NFAM1: variants seen among roughly 807,000 people sequenced by gnomAD.
NFAM1 encodes the protein NFAT activation molecule 1.
In NFAM1, 17 loss-of-function variants were observed where a neutral mutation model predicts 29.0. The observed-to-expected ratio is 0.59, with a 90% CI of 0.40 to 0.88. NFAM1 has a LOEUF of 0.88. NFAM1 is among the 40% of genes least tolerant of loss of function. The pLI, the probability that NFAM1 is intolerant of heterozygous loss-of-function variation, is 0.00. For missense variants in NFAM1, 324 were observed against 344.6 expected (o/e 0.94, Z 0.47); for synonymous variants, 175 against 147.2 (o/e 1.19, Z -1.36).
chr22:42,426,942 C>A (rs1227202680), intron 1 of NFAM1, among the ~76,000 whole-genome samples: 1 of 152,132 alleles, frequency 6.6e-6, no homozygotes, highest in Non-Finnish European at 1.5e-5. Context: ...CTGGATGTAC[C>A]TTCCTATTGC....
At chr22:42,427,443 T>A (rs911749321) in intron 1 of NFAM1, among the ~76,000 whole-genome samples, 1 of 152,214 alleles carries the variant, frequency 6.6e-6, no homozygotes, top group Non-Finnish European at 1.5e-5. Context: ...CAGAGCTTAA[T>A]TCATCCTTGA....
intron 3 of NFAM1, among the ~76,000 whole-genome samples, chr22:42,405,785 C>T (rs1929877510): frequency 6.6e-6 from 1 of 152,198 alleles, no homozygotes; most frequent in African/African-American, 2.4e-5. Context: ...GCCTGCGACT[C>T]ACTTCACCCT....
chr22:42,423,863 G>A (rs1601760867), intron 1 of NFAM1, among the ~76,000 whole-genome samples: 1 of 152,050 alleles, frequency 6.6e-6, no homozygotes, highest in East Asian at 1.9e-4. Flanking sequence ...TGGGATTACA[G>A]GCATGTGCCA....
In NFAM1 at chr22:42,419,629, C is replaced by T. The variant is rs1360646121; in HGVS notation, c.122-7893G>A. Among the ~76,000 whole-genome samples, 2 of 152,182 alleles carry T rather than the reference C, an allele frequency of 1.3e-5. No individual in the cohort carries two copies. Among genetic ancestry groups the T allele is most frequent in the African/African-American group, 2.4e-5 (1 of 41,458 alleles). ...GCTCAGCTGCTCTCTGGCCCTCACT[C>T]GCCCACTCCTGCGTAGACGTCAGCC... On this transcript the variant is annotated intron_variant, in intron 1 of 5. Transcript: ENST00000329021. This position sits in a 1 kb window ranked among gnomAD's most constrained non-coding sequence, Gnocchi z 4.5.
At chr22:42,398,023 C>G (rs889967488) in intron 3 of NFAM1, 67 bp from the exon 4 acceptor site, 1 of 808,790 alleles carries the variant, frequency 1.2e-6, no homozygotes, top group Non-Finnish European at 2.0e-6. Flanking sequence ...ACAGACCCCC[C>G]AGGGGAAAGG....
intron 1 of NFAM1, among the ~76,000 whole-genome samples, chr22:42,423,532 T>C (rs1049787503): frequency 1.4e-5 from 2 of 141,858 alleles, no homozygotes; most frequent in Admixed American, 6.9e-5. Context: ...CTGGGCAACA[T>C]AGCAAGACCC....
intron 3 of NFAM1, among the ~76,000 whole-genome samples, chr22:42,408,052 C>A (rs1186955900): frequency 6.6e-6 from 1 of 151,968 alleles, no homozygotes; most frequent in African/African-American, 2.4e-5. Flanking sequence ...TGCCAATGCA[C>A]CCAGCTAATT....
chr22:42,416,648 C>G (rs1019786915), intron 1 of NFAM1, among the ~76,000 whole-genome samples: 1 of 152,176 alleles, frequency 6.6e-6, no homozygotes, highest in Middle Eastern at 3.4e-3. Flanking sequence ...GGGCATCCGG[C>G]CTGCCCCGGG....
At chr22:42,430,305 A>G (rs1930754396) in intron 1 of NFAM1, among the ~76,000 whole-genome samples, 1 of 152,096 alleles carries the variant, frequency 6.6e-6, no homozygotes, top group African/African-American at 2.4e-5. Context: ...CACGCCTGTA[A>G]TCCCAGCACT....
In NFAM1 at chr22:42,413,546, C is replaced by T. The variant is rs184327298; in HGVS notation, c.122-1810G>A. Among the ~76,000 whole-genome samples, 591 of 151,638 alleles carry T rather than the reference C, an allele frequency of 3.9e-3. 10 individuals are homozygous for T. The highest frequency in any genetic ancestry group is 0.018 in the Admixed American group (277 of 15,218). ...ATCCTAGCACTTTGGGAGGCCGAGG[C>T]GGGTGGATTGCTTGAGGCCTGGAGT... On this transcript the variant is annotated intron_variant, in intron 1 of 5. Transcript: ENST00000329021.
chr22:42,399,708 C>G (rs1929664080), intron 3 of NFAM1, among the ~76,000 whole-genome samples: 1 of 152,144 alleles, frequency 6.6e-6, no homozygotes, highest in South Asian at 2.1e-4. Flanking sequence ...GCGGTACAGG[C>G]AGCCCTCTGG....
At chr22:42,386,318 G>A (rs975162266) in intron 5 of NFAM1, among the ~76,000 whole-genome samples, 12 of 151,918 alleles carry the variant, frequency 7.9e-5, no homozygotes, top group Admixed American at 7.9e-4. Context: ...AGGTTGCAGT[G>A]AGCTGAGATC....
chr22:42,433,728 G>A (rs559363644), upstream of NFAM1, among the ~76,000 whole-genome samples: 11 of 152,250 alleles, frequency 7.2e-5, no homozygotes, highest in South Asian at 8.3e-4. Flanking sequence ...GTTTCCTACC[G>A]CGCAGGGGGC....
rs1929032122 is a variant in NFAM1, at chr22:42,383,621, G to A, written c.*1540C>T. 1 of 152,716 alleles carries A rather than the reference G, an allele frequency of 6.5e-6. No homozygotes were observed. The highest frequency in any genetic ancestry group is 1.5e-5 in the Non-Finnish European group (1 of 68,092). 9.5% of individuals were successfully genotyped at this position (152,716 alleles called of 1,614,324 possible). A position where few individuals can be genotyped will look rare whatever the true frequency, so the allele number is the denominator to read the frequency against. On this transcript the variant is annotated 3_prime_UTR_variant, in exon 6 of 6. Transcript: ENST00000329021. ...GGACTTCTTCTGGACGTCAGTCTGTGCCCAGCCTCTACCACCAGCTTTCCC... is the reference window on the plus strand; with the variant it reads ...GGACTTCTTCTGGACGTCAGTCTGTACCCAGCCTCTACCACCAGCTTTCCC...
chr22:42,420,075 A>G (rs1217291178), intron 1 of NFAM1, among the ~76,000 whole-genome samples: 1 of 131,928 alleles, frequency 7.6e-6, no homozygotes, highest in East Asian at 2.3e-4. Context: ...AAATGGCACG[A>G]TCTCGGCTCA....
chr22:42,431,444 G>A (rs925342193), intron 1 of NFAM1, among the ~76,000 whole-genome samples: 28 of 152,176 alleles, frequency 1.8e-4, no homozygotes, highest in Non-Finnish European at 3.1e-4. Context: ...GGGAGGGTTG[G>A]CTGCTGCCCG....
chr22:42,436,205 A>G (rs1011277647), upstream of NFAM1, among the ~76,000 whole-genome samples: 1 of 152,168 alleles, frequency 6.6e-6, no homozygotes, highest in African/African-American at 2.4e-5. Flanking sequence ...TGAGCTCTTC[A>G]TGGTTCCTTT....
At chr22:42,421,978 A>G (rs1930460232) in intron 1 of NFAM1, among the ~76,000 whole-genome samples, 2 of 152,236 alleles carry the variant, frequency 1.3e-5, no homozygotes, top group Admixed American at 1.3e-4. Flanking sequence ...CGTGTGGCCA[A>G]GTGGCTGGTG....
chr22:42,435,938 G>A (rs1460041779), upstream of NFAM1, among the ~76,000 whole-genome samples: 16 of 150,744 alleles, frequency 1.1e-4, no homozygotes, highest in African/African-American at 3.7e-4. Context: ...TCCCGCCTCA[G>A]CCTTCCGAGT....
Sources: allele counts gnomAD v4.1 joint callset (sites outside exome capture counted in the v4.1 genomes callset), GRCh38; gene constraint gnomAD v4.1.1; non-coding constraint Gnocchi (gnomAD v3.1); transcripts MANE v1.5; gene names NCBI Gene and HGNC (gene_info 2026-07-23, HGNC 2026-07-21).